HEG1: variants seen among roughly 807,000 people sequenced by gnomAD.
HEG1 encodes the protein protein HEG homolog 1.
A neutral mutation model predicts 125.6 loss-of-function variants in HEG1; 56 were observed. The observed-to-expected ratio is 0.45, with a 90% CI of 0.36 to 0.56. The LOEUF is 0.56. Among genes scored for constraint, HEG1 ranks in the 20% least tolerant of loss-of-function variants. The pLI is 0.00. For missense variants in HEG1, 1,523 were observed against 1,670.0 expected, an observed-to-expected ratio of 0.91 and a Z score of 1.53; for synonymous variants, 644 against 668.5, an observed-to-expected ratio of 0.96 and a Z score of 0.57.
In HEG1 at chr3:125,027,333, A is replaced by G. The variant is rs768283379; in HGVS notation, c.785T>C (p.Phe262Ser). ...EATTSAWSPS[F>S]LPALEMGELT... ...CTCTCCCATCTCCAAAGCAGGAAGA[A>G]AGGACGGGCTCCAAGCCGAAGTGGT... Residue 262 changes from phenylalanine (F) to serine (S), a missense_variant, in exon 3 of 17, where the codon TTT (phenylalanine) becomes TCT (serine). Physicochemically the swap from Phe to Ser is radical, Grantham distance 155 (BLOSUM62 -2). Transcript: ENST00000311127. 2 of 1,613,960 alleles carry G rather than the reference A, an allele frequency of 1.2e-6. No homozygotes were observed. Among genetic ancestry groups the G allele is most frequent in the South Asian group, 2.2e-5 (2 of 91,068 alleles).
rs1183441475 is a variant in HEG1, at chr3:125,009,719, C to T, written c.3179G>A (p.Gly1060Glu). 1.9e-6 allele frequency: 3 copies of T among 1,612,716 alleles called. No individual in the cohort carries two copies. The highest frequency in any genetic ancestry group is 1.3e-5 in the African/African-American group (1 of 75,028). ...KCPVGYQLEK[G>E]ICNLVRTFVT... ...AAGTCTCTTACCCAAATTGCATATC[C>T]CTTTTTCCAACTGGTACCCAACCGG... The change falls in exon 8 of 17, where the codon GGG becomes GAG. Residue 1060 changes from glycine (G) to glutamate (E), a missense_variant. Transcript: ENST00000311127.
intron 2 of HEG1, among the ~76,000 whole-genome samples, chr3:125,028,219 C>T (rs1579428415): frequency 6.6e-6 from 1 of 152,366 alleles, no homozygotes; most frequent in Middle Eastern, 3.4e-3. Context: ...ATCCTGTAAC[C>T]TGCCTGCCAG....
intron 1 of HEG1, among the ~76,000 whole-genome samples, chr3:125,045,012 G>C (rs1022830403): frequency 1.8e-4 from 27 of 152,240 alleles, no homozygotes; most frequent in Non-Finnish European, 7.3e-5. Flanking sequence ...TTTCATGTAA[G>C]TAAGAAAAGG....
chr3:125,031,680 T>TACAC (rs10553826), intron 1 of HEG1, among the ~76,000 whole-genome samples: 2 of 125,198 alleles, frequency 1.6e-5, no homozygotes, highest in Non-Finnish European at 3.5e-5. Context: ...CATACATACA[T>TACAC]ACACACACAC....
chr3:124,993,740 T>C (rs1287018743), intron 12 of HEG1, among the ~76,000 whole-genome samples: 6 of 152,164 alleles, frequency 3.9e-5, no homozygotes, highest in Admixed American at 2.0e-4. Context: ...AACATTAGAC[T>C]TCATCTGCTG....
chr3:125,023,912 G>A (rs1042861910), intron 3 of HEG1, among the ~76,000 whole-genome samples: 8 of 152,112 alleles, frequency 5.3e-5, no homozygotes, highest in East Asian at 1.9e-4. Flanking sequence ...GGAACACATC[G>A]GAACGCTCAA....
At chr3:125,017,396 C>T (rs1937267788) in intron 5 of HEG1, among the ~76,000 whole-genome samples, 1 of 152,092 alleles carries the variant, frequency 6.6e-6, no homozygotes, top group Non-Finnish European at 1.5e-5. Context: ...GTCAAATAAC[C>T]CAATTTTAAT....
At chr3:125,040,104 G>A (rs753243511) in intron 1 of HEG1, among the ~76,000 whole-genome samples, 3 of 152,126 alleles carry the variant, frequency 2.0e-5, no homozygotes, top group Non-Finnish European at 4.4e-5. Flanking sequence ...GAGCCATAAC[G>A]GAGAATGAGC....
intron 1 of HEG1, 141 bp downstream of exon 1, chr3:125,055,434 A>T: frequency 2.1e-6 from 1 of 470,854 alleles, no homozygotes; most frequent in Non-Finnish European, 3.1e-6. Flanking sequence ...GCCGACCCTC[A>T]GGGTCCCGCA....
chr3:125,001,953 G>A lies in HEG1; in HGVS notation c.3416C>T (p.Thr1139Met), dbSNP rs761662769. 5.0e-6 allele frequency: 8 copies of A among 1,614,002 alleles called. No homozygotes were observed. Among genetic ancestry groups the A allele is most frequent in the African/African-American group, 2.7e-5 (2 of 75,050 alleles). ...CATCCTATCAGCCAGGTCAAATAGC[G>A]TCACATTGGAGGCCAGGGAAAAGGT... Reference protein sequence around the residue: ...QTTFSLASNVTLFDLADRMQK... With the variant: ...QTTFSLASNVMLFDLADRMQK... The change falls in exon 11 of 17, where the codon ACG becomes ATG. Residue 1139 changes from threonine (T) to methionine (M), a missense_variant. Physicochemically the swap from Thr to Met is moderately conservative, Grantham distance 81. Coordinates refer to ENST00000311127, the MANE Select transcript of HEG1 (RefSeq NM_020733.2).
Position 125,055,586 on chromosome 3 carries a change from C to T in HEG1, c.305G>A (p.Gly102Asp). The change falls in exon 1 of 17, where the codon GGC becomes GAC. Residue 102 changes from glycine (G) to aspartate (D), a missense_variant. Transcript: ENST00000311127. The stretch of plus-strand genomic sequence containing the variant: ...CGGCTCTCACTCACCCGCGCTCCCG[C>T]CTCTGGGGGCCCGGCCGGAGGGTCC... Reference protein sequence around the residue: ...QRGPSGRAPRGGSADAAWKHW... With the variant: ...QRGPSGRAPRDGSADAAWKHW... 1 of 1,205,742 alleles carries T rather than the reference C, an allele frequency of 8.3e-7. No individual in the cohort carries two copies. The highest frequency in any genetic ancestry group is 1.0e-6 in the Non-Finnish European group (1 of 970,846). The allele number at this position is 1,205,742 out of a possible 1,614,324, so 74.7% of individuals were successfully genotyped here.
Position 124,967,887 on chromosome 3 carries a change from G to A in HEG1, c.*2765C>T, listed in dbSNP as rs1391354960. The stretch of plus-strand genomic sequence containing the variant: ...GCAGAGGAAAAGACAATGGCAATAA[G>A]ACCCTCTGGAGCTTAAACCAAACCA... On this transcript the variant is annotated 3_prime_UTR_variant, in exon 17 of 17. Transcript: ENST00000311127. 6.6e-6 allele frequency: 1 copy of A among 152,292 alleles called. No individual in the cohort carries two copies. The highest frequency in any genetic ancestry group is 1.9e-4 in the East Asian group (1 of 5,180). 9.4% of individuals were successfully genotyped at this position (152,292 alleles called of 1,614,324 possible).
chr3:124,973,188 AT>A (rs1374681029), intron 16 of HEG1, among the ~76,000 whole-genome samples: 3 of 151,830 alleles, frequency 2.0e-5, no homozygotes, highest in Non-Finnish European at 2.9e-5. Context: ...TGCCAGGCTA[AT>A]TTTTTGTAGA....
rs1376420265 is a variant in HEG1, at chr3:125,055,994, G to A, written c.-104C>T. Reference sequence around the variant, plus strand: ...CCGCGCGGGGCCGGGGAAGTGAGCGGAGTGAGGCTGCGAGCGCGCTCCCCG... The same window carrying A: ...CCGCGCGGGGCCGGGGAAGTGAGCGAAGTGAGGCTGCGAGCGCGCTCCCCG... On this transcript the variant is annotated 5_prime_UTR_variant, in exon 1 of 17. Transcript: ENST00000311127. The A allele has an allele frequency of 7.1e-6, 4 of 566,390 alleles. No individual in the cohort carries two copies. In the African/African-American group the frequency reaches 8.2e-5, roughly 12 times the overall value. The allele number at this position is 566,390 out of a possible 1,614,324, so 35.1% of individuals were successfully genotyped here.
intron 1 of HEG1, among the ~76,000 whole-genome samples, chr3:125,052,042 C>G (rs1440389027): frequency 2.0e-5 from 3 of 152,154 alleles, no homozygotes; most frequent in Non-Finnish European, 2.9e-5. Flanking sequence ...CATGTGCACA[C>G]AGGCTGAGGA....
At position 125,009,860 on chromosome 3, in the gene HEG1, G is replaced by A. The variant is rs887900364; in HGVS notation, c.3074-36C>T. ...GAAAAAAGAAGAACATCTTGCATCT[G>A]TAGCAAACAGCAAAACCATAACCCA... On this transcript the variant is annotated intron_variant, in intron 7 of 16. Transcript: ENST00000311127. 4 of 1,583,878 alleles carry A rather than the reference G, an allele frequency of 2.5e-6. No homozygotes were observed. The African/African-American group carries it at 4.0e-5, about 16-fold the overall frequency.
intron 11 of HEG1, among the ~76,000 whole-genome samples, chr3:124,998,267 C>T (rs1380637967): frequency 6.6e-6 from 1 of 152,134 alleles, no homozygotes; most frequent in Admixed American, 6.5e-5. Flanking sequence ...GCAGGCCAGA[C>T]CTGTTTCAAG....
chr3:125,025,065 G>A (rs1015500632), intron 3 of HEG1, among the ~76,000 whole-genome samples: 1 of 152,242 alleles, frequency 6.6e-6, no homozygotes, highest in African/African-American at 2.4e-5. Context: ...TCCCTGGCAG[G>A]TCCTGCTGGC....
Position 125,013,184 on chromosome 3 carries a change from C to T in HEG1, c.2395G>A (p.Val799Met). ...VITESKSPSL[V>M]SLPTESTKAV... ...TTGGTGGACTCTGTGGGCAGAGACA[C>T]CAGGCTTGGTGACTTTGATTCTGTA... is the stretch of plus-strand genomic sequence containing the variant. Residue 799 changes from valine to methionine, a missense_variant, in exon 6 of 17, where the codon GTG becomes ATG. Coordinates refer to ENST00000311127, the MANE Select transcript of HEG1 (RefSeq NM_020733.2). 1.2e-6 allele frequency: 2 copies of T among 1,613,908 alleles called. No homozygotes were observed. The highest frequency in any genetic ancestry group is 2.7e-5 in the African/African-American group (2 of 74,996).
Sources: gnomAD v4.1 joint callset for allele counts (sites outside exome capture counted in the v4.1 genomes callset) on GRCh38, gnomAD v4.1.1 for gene constraint, MANE v1.5 for transcripts, NCBI Gene and HGNC (gene_info 2026-07-23, HGNC 2026-07-21) for gene names.